Variants in LRRTM4 observed in about 807,000 individuals in gnomAD.
LRRTM4 encodes leucine rich repeat transmembrane neuronal 4, also known as leucine-rich repeat transmembrane neuronal protein 4.
A neutral mutation model predicts 47.6 loss-of-function variants in LRRTM4; 25 were observed. That is an observed-to-expected ratio of 0.53 (90% confidence interval 0.38 to 0.73). LRRTM4 has a LOEUF of 0.73. Ranked by LOEUF, LRRTM4 falls within the 30% of genes least tolerant of loss-of-function variation. The pLI, the probability that LRRTM4 is intolerant of heterozygous loss-of-function variation, is 0.00. For synonymous variants in LRRTM4, 311 were observed against 269.5 expected (o/e 1.15, Z -1.51); for missense variants, 638 against 713.4 (o/e 0.89, Z 1.20).
chr2:77,495,138 G>A (rs1678312049), intron 3 of LRRTM4, among the ~76,000 whole-genome samples: 1 of 152,058 alleles, frequency 6.6e-6, no homozygotes, highest in South Asian at 2.1e-4. Flanking sequence ...ATGGGCATAT[G>A]CTTTTATGTC....
chr2:77,333,371 C>T (rs1219761456), intron 3 of LRRTM4, among the ~76,000 whole-genome samples: 3 of 152,168 alleles, frequency 2.0e-5, no homozygotes, highest in African/African-American at 4.8e-5. Context: ...TTCCCTAAAG[C>T]TTGTTGAATG....
At chr2:77,131,017 G>A (rs1177861649) in intron 3 of LRRTM4, among the ~76,000 whole-genome samples, 1 of 144,964 alleles carries the variant, frequency 6.9e-6, no homozygotes, top group African/African-American at 2.6e-5. Context: ...TGTATTTTTA[G>A]TAGAGACGGG....
At chr2:77,229,276 A>T (rs989747289) in intron 3 of LRRTM4, among the ~76,000 whole-genome samples, 1 of 152,034 alleles carries the variant, frequency 6.6e-6, no homozygotes, top group Non-Finnish European at 1.5e-5. Flanking sequence ...TTATGACTTC[A>T]GGTATCACCT....
At position 76,748,656 on chromosome 2, in the gene LRRTM4, C is replaced by T. The variant is rs753449257; in HGVS notation, c.*39G>A. 5 of 1,385,152 alleles carry T rather than the reference C, an allele frequency of 3.6e-6. No individual in the cohort carries two copies. The highest frequency in any genetic ancestry group is 1.2e-5 in the South Asian group (1 of 86,554). The allele number at this position is 1,385,152 out of a possible 1,614,324, so 85.8% of individuals were successfully genotyped here. On this transcript the variant is annotated 3_prime_UTR_variant, in exon 4 of 4. Coordinates refer to ENST00000409884, the MANE Select transcript of LRRTM4 (RefSeq NM_001134745.3). Reference sequence around the variant, plus strand: ...TCCTTTAAGATGAAGGCCCTCCCTCCCCCCCATGGAGCTCCCCAGTGAGGA... The same window carrying T: ...TCCTTTAAGATGAAGGCCCTCCCTCTCCCCCATGGAGCTCCCCAGTGAGGA...
chr2:76,964,350 T>C (rs1419241734), intron 3 of LRRTM4, among the ~76,000 whole-genome samples: 1 of 151,100 alleles, frequency 6.6e-6, no homozygotes, highest in Non-Finnish European at 1.5e-5. Flanking sequence ...GAATGTAACA[T>C]GAAATATGTG....
At chr2:77,060,395 T>A (rs182816538) in intron 3 of LRRTM4, among the ~76,000 whole-genome samples, 5 of 152,064 alleles carry the variant, frequency 3.3e-5, no homozygotes, top group Non-Finnish European at 7.4e-5. Context: ...AGATTAAATG[T>A]CCTCAGAAAA....
At chr2:76,938,082 CTTATATTATT>C (rs1675018879) in intron 3 of LRRTM4, among the ~76,000 whole-genome samples, 1 of 151,862 alleles carries the variant, frequency 6.6e-6, no homozygotes, top group African/African-American at 2.4e-5. Context: ...TTCCTCTCTT[CTTATATTATT>C]TTATAAAATA....
At chr2:77,146,016 G>A (rs1352504535) in intron 3 of LRRTM4, among the ~76,000 whole-genome samples, 1 of 151,960 alleles carries the variant, frequency 6.6e-6, no homozygotes, top group Non-Finnish European at 1.5e-5. Flanking sequence ...TTCAGGTTGG[G>A]TAAACAATGT....
At chr2:77,011,566 TGTGTG>T (rs1677877410) in intron 3 of LRRTM4, among the ~76,000 whole-genome samples, 1 of 147,676 alleles carries the variant, frequency 6.8e-6, no homozygotes, top group Non-Finnish European at 1.5e-5. Context: ...TGTGTGTGTG[TGTGTG>T]TGTGTGTAGA....
At chr2:77,491,495 T>C (rs1678160428) in intron 3 of LRRTM4, among the ~76,000 whole-genome samples, 1 of 151,880 alleles carries the variant, frequency 6.6e-6, no homozygotes, top group African/African-American at 2.4e-5. Flanking sequence ...AAGAGTACTA[T>C]AAAGTAAGAT....
At chr2:77,092,378 C>A (rs1243304073) in intron 3 of LRRTM4, among the ~76,000 whole-genome samples, 2 of 150,820 alleles carry the variant, frequency 1.3e-5, no homozygotes, top group African/African-American at 4.9e-5. Context: ...TTCCACCAGG[C>A]CTAATTGCCA....
intron 3 of LRRTM4, among the ~76,000 whole-genome samples, chr2:77,435,138 C>A (rs970758135): frequency 6.6e-6 from 1 of 151,842 alleles, no homozygotes; most frequent in Non-Finnish European, 1.5e-5. Flanking sequence ...AATCTCTATT[C>A]ATTGCAAAAT....
rs543943779 is a variant in LRRTM4, at chr2:76,828,319, A to C, written c.1552-79403T>G. ...AGGAAAAGGCTTCCTCCATAATTGC[A>C]TCTTATTTGGGCCGGAATCCTATAT... On this transcript the variant is annotated intron_variant, in intron 3 of 3. Transcript: ENST00000409884. 4.6e-5 allele frequency among the ~76,000 whole-genome samples: 7 copies of C among 152,032 alleles called. No homozygotes were observed. In the South Asian group the frequency reaches 1.4e-3, roughly 31 times the overall value.
intron 3 of LRRTM4, among the ~76,000 whole-genome samples, chr2:76,908,331 T>A (rs1458216109): frequency 3.3e-5 from 5 of 152,126 alleles, no homozygotes; most frequent in African/African-American, 1.2e-4. Flanking sequence ...TAGGTATTGA[T>A]GGGCCATATC....
At chr2:76,910,244 G>A (rs1487385840) in intron 3 of LRRTM4, among the ~76,000 whole-genome samples, 1 of 150,176 alleles carries the variant, frequency 6.7e-6, no homozygotes, top group African/African-American at 2.5e-5. Context: ...ACTATCGGAA[G>A]AACAAAAAAC....
chr2:77,260,374 CGTGTGTGTGTGTGTGTGTGT>C (rs58758948), intron 3 of LRRTM4, among the ~76,000 whole-genome samples: 65 of 140,500 alleles, frequency 4.6e-4, no homozygotes, highest in Non-Finnish European at 8.2e-4. Flanking sequence ...ACCAAAAAAT[CGTGTGTGTGTGTGTGTGTGT>C]GTGTGTGTGT....
chr2:77,428,352 C>G (rs1558739038), intron 3 of LRRTM4, among the ~76,000 whole-genome samples: 3 of 152,204 alleles, frequency 2.0e-5, no homozygotes, highest in Non-Finnish European at 4.4e-5. Context: ...TATTAACACA[C>G]ACAAAAATCA....
intron 3 of LRRTM4, among the ~76,000 whole-genome samples, chr2:77,455,550 C>T (rs1034196652): frequency 6.6e-6 from 1 of 152,004 alleles, no homozygotes; most frequent in Non-Finnish European, 1.5e-5. Flanking sequence ...ATACCTCTCA[C>T]TCTCCATTTT....
intron 3 of LRRTM4, among the ~76,000 whole-genome samples, chr2:77,032,746 T>A (rs1276504072): frequency 6.6e-6 from 1 of 152,122 alleles, no homozygotes; most frequent in Admixed American, 6.6e-5. Context: ...CTTACCGATT[T>A]AATTCTTTTA....
Sources: allele counts gnomAD v4.1 joint callset (sites outside exome capture counted in the v4.1 genomes callset), GRCh38; gene constraint gnomAD v4.1.1; transcripts MANE v1.5; gene names NCBI Gene and HGNC (gene_info 2026-07-23, HGNC 2026-07-21).